Variants in KIF1A observed in about 807,000 individuals in gnomAD.
KIF1A encodes kinesin-like protein KIF1A.
In KIF1A, 46 loss-of-function variants were observed where a neutral mutation model predicts 227.3. That is an observed-to-expected ratio of 0.20 (90% CI 0.16 to 0.26). KIF1A has a LOEUF of 0.26. Ranked by LOEUF, KIF1A falls within the 10% of genes least tolerant of loss-of-function variation. KIF1A has a pLI of 1.00. For synonymous variants in KIF1A, 1,022 were observed against 1,012.8 expected, an observed-to-expected ratio of 1.01 and a Z score of -0.17; for missense variants, 1,683 against 2,485.9, an observed-to-expected ratio of 0.68 and a Z score of 6.87.
At chr2:240,768,533 A>G (rs1396025706) in intron 17 of KIF1A, among the ~76,000 whole-genome samples, 1 of 152,080 alleles carries the variant, frequency 6.6e-6, no homozygotes, top group Admixed American at 6.5e-5. Flanking sequence ...CACAAGAAAG[A>G]CTTTTTCCCA....
chr2:240,719,193 A>G lies in KIF1A; in HGVS notation c.5027T>C (p.Ile1676Thr), dbSNP rs372664825. The G allele has an allele frequency of 7.5e-6, 12 of 1,603,412 alleles. No homozygotes were observed. The highest frequency in any genetic ancestry group is 1.0e-5 in the Non-Finnish European group (12 of 1,174,672). Residue 1676 changes from isoleucine (I) to threonine (T), a missense_variant, in exon 47 of 49, where the codon ATC becomes ACC. Coordinates refer to ENST00000498729, the MANE Select transcript of KIF1A (RefSeq NM_001244008.2). ...PDIQEIRVSP[I>T]VSKKGYLHFL... is the part of the protein sequence containing the mutation. ...GTGCAGGTACCCCTTCTTGGAAACGATCGGGCTGAAGGCAGAGAGAGCTGC... is the reference window on the plus strand; with the variant it reads ...GTGCAGGTACCCCTTCTTGGAAACGGTCGGGCTGAAGGCAGAGAGAGCTGC...
At position 240,744,328 on chromosome 2, in the gene KIF1A, C is replaced by T. The variant is rs537438619; in HGVS notation, c.3466-268G>A. Reference sequence around the variant, plus strand: ...GCGTGGCTCAGCTGCCCTTTCAGAACACGGAGCTGGGAAAGGTGACAAAGG... The same window carrying T: ...GCGTGGCTCAGCTGCCCTTTCAGAATACGGAGCTGGGAAAGGTGACAAAGG... On this transcript the variant is annotated intron_variant, in intron 32 of 48. Coordinates refer to ENST00000498729, the MANE Select transcript of KIF1A (RefSeq NM_001244008.2). Among the ~76,000 whole-genome samples, 182 of 152,270 alleles carry T rather than the reference C, an allele frequency of 1.2e-3. No individual in the cohort carries two copies. The highest frequency in any genetic ancestry group is 1.7e-3 in the Non-Finnish European group (117 of 68,016).
Position 240,725,200 on chromosome 2 carries a change from G to C in KIF1A, c.4256+71C>G, listed in dbSNP as rs950860315. Reference sequence around the variant, plus strand: ...CCGGGTGGCCCAAGGACCGCTGCCAGGCAGAGCCCTGCCTGGCCCGCACCG... The same window carrying C: ...CCGGGTGGCCCAAGGACCGCTGCCACGCAGAGCCCTGCCTGGCCCGCACCG... On this transcript the variant is annotated intron_variant, in intron 40 of 48. Transcript: ENST00000498729. The surrounding 1 kb of genome is among the most constrained non-coding windows in gnomAD (Gnocchi z 5.8). 168 of 1,517,850 alleles carry C rather than the reference G, an allele frequency of 1.1e-4. No homozygotes were observed. In the African/African-American group the frequency reaches 2.1e-3, roughly 19 times the overall value. The allele number at this position is 1,517,850 out of a possible 1,614,324, so 94.0% of individuals were successfully genotyped here.
rs369641508 is a variant in KIF1A, at chr2:240,773,184, G to A, written c.1110C>T (p.Arg370=). 7.3e-5 allele frequency: 118 copies of A among 1,613,848 alleles called. No individual in the cohort carries two copies. Among genetic ancestry groups the A allele is most frequent in the Middle Eastern group, 1.6e-4 (1 of 6,082 alleles). Residue 370 remains arginine, a synonymous_variant, in exon 13 of 49, where the codon CGC becomes CGT. Coordinates refer to ENST00000498729, the MANE Select transcript of KIF1A (RefSeq NM_001244008.2). The stretch of plus-strand genomic sequence containing the variant: ...GCCGGGTCACCTCATCCTTCAGCTC[G>A]CGGATCAGCTTGTTGTTGGGGTCCT... The part of the protein sequence containing the change: ...INEDPNNKLI[R]ELKDEVTRLR...
chr2:240,762,683 C>A (rs1303514522), intron 23 of KIF1A, 36 bp downstream of exon 23: 2 of 1,538,432 alleles, frequency 1.3e-6, no homozygotes, highest in East Asian at 2.4e-5. Context: ...CTGAGACCCT[C>A]CTGACGCAGC....
Position 240,807,474 on chromosome 2 carries a change from A to G in KIF1A, c.-60-9662T>C, listed in dbSNP as rs368095780. 6.1e-4 allele frequency among the ~76,000 whole-genome samples: 93 copies of G among 152,344 alleles called. No individual in the cohort carries two copies. The South Asian group carries it at 0.018, about 30-fold the overall frequency. On this transcript the variant is annotated intron_variant, in intron 1 of 48. Coordinates refer to ENST00000498729, the MANE Select transcript of KIF1A (RefSeq NM_001244008.2). ...ATATATTTTAAATCATCTCAAGATT[A>G]GTTATAATACCTAATACAATGTGAA...
Position 240,766,996 on chromosome 2 carries a change from G to A in KIF1A, c.1603C>T (p.Arg535Trp), listed in dbSNP as rs752692031. 2.5e-6 allele frequency: 4 copies of A among 1,611,484 alleles called. No homozygotes were observed. Among genetic ancestry groups the A allele is most frequent in the Non-Finnish European group, 1.7e-6 (2 of 1,179,176 alleles). The change falls in exon 19 of 49, where the codon CGG (arginine) becomes TGG (tryptophan). Residue 535 changes from arginine (R) to tryptophan (W), a missense_variant. Physicochemically the swap from Arg to Trp is moderately radical, Grantham distance 101. This residue lies in a region of KIF1A where 217 missense variants were observed against 427.0 expected (regional missense o/e 0.51). Coordinates refer to ENST00000498729, the MANE Select transcript of KIF1A (RefSeq NM_001244008.2). The surrounding 1 kb of genome is among the most constrained non-coding windows in gnomAD (Gnocchi z 5.0). ...TRVGREDGER[R>W]QDIVLSGHFI... is the part of the protein sequence containing the mutation. ...TGCCCACTCAGAACAATGTCCTGCC[G>A]CCTCTCGCCATCCTCCCTGCCCACT...
chr2:240,812,641 C>T (rs564848562), intron 1 of KIF1A, among the ~76,000 whole-genome samples: 295 of 149,274 alleles, frequency 2.0e-3, no homozygotes, highest in African/African-American at 4.5e-3. Context: ...CCTCTGGGTC[C>T]GCCTTCACCT....
Position 240,740,155 on chromosome 2 carries a change from G to C in KIF1A, c.3817-13C>G. The stretch of plus-strand genomic sequence containing the variant: ...GTCGCTGGATGCCCTGCCGGTGCCA[G>C]GTGAGAGGATATGGTCAGACGGCTC... On this transcript the variant is annotated splice_polypyrimidine_tract_variant and intron_variant, in intron 36 of 48. Coordinates refer to ENST00000498729, the MANE Select transcript of KIF1A (RefSeq NM_001244008.2). This position sits in a 1 kb window ranked among gnomAD's most constrained non-coding sequence, Gnocchi z 6.1. 1 of 1,589,088 alleles carries C rather than the reference G, an allele frequency of 6.3e-7. No individual in the cohort carries two copies.
At chr2:240,794,430 C>T (rs1305028546) in intron 2 of KIF1A, among the ~76,000 whole-genome samples, 3 of 152,226 alleles carry the variant, frequency 2.0e-5, no homozygotes, top group Non-Finnish European at 2.9e-5. Flanking sequence ...GCCCATCTGC[C>T]CTTTACCCAC....
chr2:240,807,078 ATGTGTGTGTGTGTGTG>A (rs67918205), intron 1 of KIF1A, among the ~76,000 whole-genome samples: 14 of 95,250 alleles, frequency 1.5e-4, no homozygotes, highest in East Asian at 6.9e-4. Context: ...CCTCATATAT[ATGTGTGTGTGTGTGTG>A]TGTGTGTGTG....
intron 29 of KIF1A, 82 bp downstream of exon 29, chr2:240,747,154 G>C: frequency 2.1e-6 from 2 of 964,516 alleles, no homozygotes; most frequent in Admixed American, 3.9e-5. Flanking sequence ...TGGGACACAG[G>C]GGTGTTAGAG....
upstream of KIF1A, among the ~76,000 whole-genome samples, chr2:240,820,642 T>C (rs1228221813): frequency 1.4e-5 from 2 of 145,044 alleles, no homozygotes; most frequent in Non-Finnish European, 3.0e-5. The surrounding 1 kb of genome is among the most constrained non-coding windows in gnomAD (Gnocchi z 6.2). Flanking sequence ...CTGCCCCCGC[T>C]CTGAGCCAGC....
chr2:240,821,290 G>A (rs921049588), upstream of KIF1A, among the ~76,000 whole-genome samples: 2 of 152,210 alleles, frequency 1.3e-5, no homozygotes, highest in African/African-American at 2.4e-5. Flanking sequence ...CTGCCCTAGC[G>A]GCCTCGCCGT....
rs2044548735 is a variant in KIF1A at position 240,715,848 on chromosome 2, G to C, written c.*1516C>G. ...ATGAAAGTGCTGGGCCCTAGGTCTG[G>C]AGCACCAGACCCGATGTAACTGCTC... On this transcript the variant is annotated 3_prime_UTR_variant, in exon 49 of 49. Transcript: ENST00000498729. 1 of 152,304 alleles carries C rather than the reference G, an allele frequency of 6.6e-6. No individual in the cohort carries two copies. The highest frequency in any genetic ancestry group is 6.5e-5 in the Admixed American group (1 of 15,278). The allele number at this position is 152,304 out of a possible 1,614,324, so 9.4% of individuals were successfully genotyped here. A position where few individuals can be genotyped will look rare whatever the true frequency, so the allele number is the denominator to read the frequency against.
intron 23 of KIF1A, 136 bp from the exon 24 acceptor site, chr2:240,761,513 G>T: frequency 1.4e-6 from 1 of 717,996 alleles, no homozygotes; most frequent in Non-Finnish European, 2.1e-6. Flanking sequence ...TGTACATCAC[G>T]GCCGGGTGGT....
intron 34 of KIF1A, among the ~76,000 whole-genome samples, chr2:240,742,001 T>C (rs969995596): frequency 2.0e-5 from 3 of 152,166 alleles, no homozygotes; most frequent in Non-Finnish European, 2.9e-5. Context: ...CCTACAAATA[T>C]GGATCTACAG....
In KIF1A at chr2:240,762,756, C is replaced by T. The variant is rs201961762; in HGVS notation, c.2079G>A (p.Pro693=). 96 of 1,599,876 alleles carry T rather than the reference C, an allele frequency of 6.0e-5. No homozygotes were observed. The African/African-American group carries it at 9.8e-4, about 16-fold the overall frequency. ...LQKQMDSRYY[P]EVNEEEEEPE... ...GCTCCTCCTCCTCCTCGTTCACCTCCGGGTAGTACCTGGAGTCCATCTGCT... is the reference window on the plus strand; with the variant it reads ...GCTCCTCCTCCTCCTCGTTCACCTCTGGGTAGTACCTGGAGTCCATCTGCT... The change falls in exon 23 of 49, where the codon CCG becomes CCA. Residue 693 remains proline, a synonymous_variant. Transcript: ENST00000498729.
At chr2:240,807,078 ATGTG>A (rs67918205) in intron 1 of KIF1A, among the ~76,000 whole-genome samples, 4,042 of 94,284 alleles carry the variant, frequency 0.043, 87 homozygotes, top group Middle Eastern at 0.069. Context: ...CCTCATATAT[ATGTG>A]TGTGTGTGTG....
Sources: allele counts gnomAD v4.1 joint callset (sites outside exome capture counted in the v4.1 genomes callset), GRCh38; gene constraint gnomAD v4.1.1; regional missense constraint gnomAD v4.1.1; non-coding constraint Gnocchi (gnomAD v3.1); transcripts MANE v1.5; gene names NCBI Gene and HGNC (gene_info 2026-07-23, HGNC 2026-07-21).